The following MC5R variants were observed in gnomAD, a reference collection of about 807,000 sequenced individuals.
The protein encoded by MC5R is melanocortin 5 receptor.
For synonymous variants in MC5R, 167 were observed against 164.4 expected (o/e 1.02, Z -0.12); for missense variants, 420 against 431.4 (o/e 0.97, Z 0.23).
Position 13,826,402 on chromosome 18 carries a change from C to T in MC5R, c.637C>T (p.Arg213Trp), listed in dbSNP as rs953055132. The T allele has an allele frequency of 9.3e-6, 15 of 1,614,056 alleles. No individual in the cohort carries two copies. Among genetic ancestry groups the T allele is most frequent in the African/African-American group, 1.3e-5 (1 of 75,024 alleles). ...GTACATACACATGTTCCTCCTGGCGCGGACTCACGTCAAGCGGATCGCGGC... is the reference window on the plus strand; with the variant it reads ...GTACATACACATGTTCCTCCTGGCGTGGACTCACGTCAAGCGGATCGCGGC... Reference protein sequence around the residue: ...SLYIHMFLLARTHVKRIAALP... With the variant: ...SLYIHMFLLAWTHVKRIAALP... The change falls in exon 2 of 2, where the codon CGG becomes TGG. Residue 213 changes from arginine to tryptophan, a missense_variant. Physicochemically the swap from Arg to Trp is moderately radical, Grantham distance 101. Coordinates refer to ENST00000589410, the MANE Select transcript of MC5R (RefSeq NM_005913.3).
In MC5R at chr18:13,827,012, C is replaced by T. The variant is rs2044934985; in HGVS notation, c.*269C>T. ...TGCTCCCACCCATTTCTGGGGGCCC[C>T]ATCCACCCTCCACCTAGCAGGCATG... On this transcript the variant is annotated 3_prime_UTR_variant, in exon 2 of 2. Transcript: ENST00000589410. The T allele has an allele frequency of 5.2e-6, 2 of 388,138 alleles. No individual in the cohort carries two copies. Among genetic ancestry groups the T allele is most frequent in the Non-Finnish European group, 9.2e-6 (2 of 216,698 alleles). The allele number at this position is 388,138 out of a possible 1,614,324, so 24.0% of individuals were successfully genotyped here.
Position 13,826,701 on chromosome 18 carries a change from C to T in MC5R, c.936C>T (p.Cys312=). 1 of 1,613,236 alleles carries T rather than the reference C, an allele frequency of 6.2e-7. No individual in the cohort carries two copies. The highest frequency in any genetic ancestry group is 2.2e-5 in the East Asian group (1 of 44,878). Residue 312 remains cysteine (C), a synonymous_variant, in exon 2 of 2, where the codon TGC becomes TGT. Coordinates refer to ENST00000589410, the MANE Select transcript of MC5R (RefSeq NM_005913.3). ...MRKTFKEIIC[C]RGFRIACSFP... Reference sequence around the variant, plus strand: ...AGACCTTTAAGGAGATTATTTGCTGCCGTGGTTTCAGGATCGCCTGCAGCT... The same window carrying T: ...AGACCTTTAAGGAGATTATTTGCTGTCGTGGTTTCAGGATCGCCTGCAGCT...
intron 1 of MC5R, among the ~76,000 whole-genome samples, 195 bp downstream of exon 1, chr18:13,824,469 G>A (rs893218004): frequency 6.6e-6 from 1 of 152,194 alleles, no homozygotes; most frequent in Non-Finnish European, 1.5e-5. Flanking sequence ...ACAAATGATT[G>A]TAGTTCAATA....
At chr18:13,824,964 C>T (rs2044919387) in intron 1 of MC5R, among the ~76,000 whole-genome samples, 1 of 152,154 alleles carries the variant, frequency 6.6e-6, no homozygotes, top group Non-Finnish European at 1.5e-5. Flanking sequence ...CCTACACTTA[C>T]AAACTTAAGA....
chr18:13,825,698 G>C (rs2044923878), intron 1 of MC5R, 29 bp from the exon 2 acceptor site: 1 of 1,413,574 alleles, frequency 7.1e-7, no homozygotes, highest in South Asian at 1.4e-5. Context: ...TAACCTCTTT[G>C]GATTGTGAAT....
intron 1 of MC5R, 116 bp from the exon 2 acceptor site, chr18:13,825,611 G>T: frequency 3.3e-6 from 2 of 597,850 alleles, no homozygotes; most frequent in Non-Finnish European, 5.8e-6. Flanking sequence ...CCAGTCCTCT[G>T]ATGCACTGTG....
Position 13,826,083 on chromosome 18 carries a change from A to G in MC5R, c.318A>G (p.Ile106Met), listed in dbSNP as rs2044927291. The G allele has an allele frequency of 6.2e-7, 1 of 1,614,156 alleles. No individual in the cohort carries two copies. Among genetic ancestry groups the G allele is most frequent in the African/African-American group, 1.3e-5 (1 of 75,044 alleles). The stretch of plus-strand genomic sequence containing the variant: ...TACTCAACAACAAGCACCTAGTGAT[A>G]GCAGACGCCTTTGTGCGCCACATTG... ...IYLLNNKHLV[I>M]ADAFVRHIDN... The change falls in exon 2 of 2, where the codon ATA becomes ATG. Residue 106 changes from isoleucine to methionine, a missense_variant. By Grantham distance (10) the Ile-to-Met change is conservative. Coordinates refer to ENST00000589410, the MANE Select transcript of MC5R (RefSeq NM_005913.3).
chr18:13,825,564 T>TAAA (rs11454837), intron 1 of MC5R, 163 bp from the exon 2 acceptor site: 226 of 334,430 alleles, frequency 6.8e-4, no homozygotes, highest in East Asian at 3.0e-3. Flanking sequence ...CCCTGTCTCT[T>TAAA]AAAAAAAAAA....
rs1490422755 is a variant in MC5R at position 13,825,469 on chromosome 18, C to A, written c.-39-258C>A. ...CCAGCTGCCGGGCACGTGGCTCACC[C>A]CTGTAGTACCAGCACTTTGGGAGGC... On this transcript the variant is annotated intron_variant, in intron 1 of 1. Transcript: ENST00000589410. 2.8e-5 allele frequency: 8 copies of A among 282,920 alleles called. No individual in the cohort carries two copies. In the East Asian group the frequency reaches 4.8e-4, roughly 17 times the overall value. 17.5% of individuals were successfully genotyped at this position (282,920 alleles called of 1,614,324 possible).
At chr18:13,825,564 TAAAAAA>T (rs11454837) in intron 1 of MC5R, 157 bp from the exon 2 acceptor site, 16 of 334,560 alleles carry the variant, frequency 4.8e-5, no homozygotes, top group Admixed American at 9.7e-5. Context: ...CCCTGTCTCT[TAAAAAA>T]AAAAAAAAAA....
rs1036167760 is a variant in MC5R, at chr18:13,824,181, C to G, written c.-133C>G. On this transcript the variant is annotated 5_prime_UTR_variant, in exon 1 of 2. Coordinates refer to ENST00000589410, the MANE Select transcript of MC5R (RefSeq NM_005913.3). ...CAGCCGCCTAGCTGGGGGAGAGGCC[C>G]GTCCGGGGCTGGCTCTGAGCGCCGC... 1 of 151,134 alleles carries G rather than the reference C, an allele frequency of 6.6e-6. No homozygotes were observed. The highest frequency in any genetic ancestry group is 2.0e-4 in the East Asian group (1 of 5,012). 9.4% of individuals were successfully genotyped at this position (151,134 alleles called of 1,614,324 possible).
At position 13,825,864 on chromosome 18, in the gene MC5R, T is replaced by C. The variant is rs1376746671; in HGVS notation, c.99T>C (p.Cys33=). 3.7e-6 allele frequency: 6 copies of C among 1,614,064 alleles called. No homozygotes were observed. In the African/African-American group the frequency reaches 8.0e-5, roughly 22 times the overall value. ...GPNVKNKSSP[C]EDMGIAVEVF... Reference sequence around the variant, plus strand: ...ATGTCAAAAACAAGTCTTCACCATGTGAAGACATGGGCATTGCTGTGGAGG... The same window carrying C: ...ATGTCAAAAACAAGTCTTCACCATGCGAAGACATGGGCATTGCTGTGGAGG... The change falls in exon 2 of 2, where the codon TGT becomes TGC. Residue 33 remains cysteine (C), a synonymous_variant. Coordinates refer to ENST00000589410, the MANE Select transcript of MC5R (RefSeq NM_005913.3).
chr18:13,824,494 C>T (rs1164598652), intron 1 of MC5R, among the ~76,000 whole-genome samples: 2 of 152,084 alleles, frequency 1.3e-5, no homozygotes, highest in Non-Finnish European at 2.9e-5. Flanking sequence ...CTTAGATTAC[C>T]AATTTTTTCC....
In MC5R at chr18:13,826,018, G is replaced by A. The variant is rs2044926904; in HGVS notation, c.253G>A (p.Val85Met). Residue 85 changes from valine (V) to methionine (M), a missense_variant, in exon 2 of 2, where the codon GTG (valine) becomes ATG (methionine). By Grantham distance (21) the Val-to-Met change is conservative. Transcript: ENST00000589410. ...VCSLAVADML[V>M]SMSSAWETIT... ...CAGCCTGGCAGTGGCGGACATGCTG[G>A]TGAGCATGTCCAGTGCCTGGGAGAC... The A allele has an allele frequency of 1.2e-6, 2 of 1,614,080 alleles. No individual in the cohort carries two copies. Among genetic ancestry groups the A allele is most frequent in the Non-Finnish European group, 1.7e-6 (2 of 1,180,014 alleles).
Position 13,826,733 on chromosome 18 carries a change from G to A in MC5R, c.968G>A (p.Arg323Lys), listed in dbSNP as rs1226250427. The change falls in exon 2 of 2, where the codon AGA (arginine) becomes AAA (lysine). Residue 323 changes from arginine to lysine, a missense_variant. Arg to Lys is a conservative substitution (Grantham distance 26). Coordinates refer to ENST00000589410, the MANE Select transcript of MC5R (RefSeq NM_005913.3). ...RGFRIACSFP[R>K]RD ...TTCAGGATCGCCTGCAGCTTTCCCA[G>A]AAGGGATTAAGCACAAAGTGCTCCT... 4 of 1,607,880 alleles carry A rather than the reference G, an allele frequency of 2.5e-6. No individual in the cohort carries two copies. Among genetic ancestry groups the A allele is most frequent in the Non-Finnish European group, 3.4e-6 (4 of 1,177,570 alleles).
In MC5R at chr18:13,827,116, A is replaced by G. The variant is rs2044935742; in HGVS notation, c.*373A>G. On this transcript the variant is annotated 3_prime_UTR_variant, in exon 2 of 2. Transcript: ENST00000589410. ...ATTGTGACGCGAAGAAAACCGTGAT[A>G]TCGACGCCAGGTGGGATTGCTTCTT... 1.1e-5 allele frequency: 2 copies of G among 183,184 alleles called. No homozygotes were observed. The highest frequency in any genetic ancestry group is 2.3e-5 in the Non-Finnish European group (2 of 88,696). The allele number at this position is 183,184 out of a possible 1,614,324, so 11.3% of individuals were successfully genotyped here.
At position 13,827,143 on chromosome 18, in the gene MC5R, TC is replaced by T. The variant is rs1029381300; in HGVS notation, c.*404del. 2 of 171,942 alleles carry T rather than the reference TC, an allele frequency of 1.2e-5. No individual in the cohort carries two copies. The highest frequency in any genetic ancestry group is 4.8e-5 in the African/African-American group (2 of 41,862). The allele number at this position is 171,942 out of a possible 1,614,324, so 10.7% of individuals were successfully genotyped here. A position where few individuals can be genotyped will look rare whatever the true frequency, so the allele number is the denominator to read the frequency against. On this transcript the variant is annotated 3_prime_UTR_variant, in exon 2 of 2. Transcript: ENST00000589410. ...CGACGCCAGGTGGGATTGCTTCTTC[TC>T]CCCAGAAGCAGGTCCACACTCTGCT...
chr18:13,825,852 G>A lies in MC5R; in HGVS notation c.87G>A (p.Lys29=). 1 of 1,613,962 alleles carries A rather than the reference G, an allele frequency of 6.2e-7. No individual in the cohort carries two copies. Among genetic ancestry groups the A allele is most frequent in the Admixed American group, 1.7e-5 (1 of 59,994 alleles). Residue 29 remains lysine, a synonymous_variant, in exon 2 of 2, where the codon AAG becomes AAA. Coordinates refer to ENST00000589410, the MANE Select transcript of MC5R (RefSeq NM_005913.3). The part of the protein sequence containing the change: ...GNLSGPNVKN[K]SSPCEDMGIA... ...TTTCAGGACCCAATGTCAAAAACAA[G>A]TCTTCACCATGTGAAGACATGGGCA...
In MC5R at chr18:13,826,476, G is replaced by A. The variant is rs372367847; in HGVS notation, c.711G>A (p.Ala237=). 4 of 1,613,486 alleles carry A rather than the reference G, an allele frequency of 2.5e-6. No individual in the cohort carries two copies. The highest frequency in any genetic ancestry group is 1.3e-5 in the African/African-American group (1 of 74,908). Residue 237 remains alanine (A), a synonymous_variant, in exon 2 of 2, where the codon GCG becomes GCA. Transcript: ENST00000589410. ...GGCAGAGGACCAGCATGCAGGGCGC[G>A]GTCACCGTCACCATGCTGCTGGGCG... ...SARQRTSMQG[A]VTVTMLLGVF...
Sources: gnomAD v4.1 joint callset for allele counts (sites outside exome capture counted in the v4.1 genomes callset) on GRCh38, gnomAD v4.1.1 for gene constraint, MANE v1.5 for transcripts, NCBI Gene and HGNC (gene_info 2026-07-23, HGNC 2026-07-21) for gene names.